Variants in PIK3C2G observed in about 807,000 individuals in gnomAD.
PIK3C2G encodes the protein phosphatidylinositol 3-kinase C2 domain-containing subunit gamma.
PIK3C2G carries 168 observed loss-of-function variants against 181.1 expected under a neutral mutation model. The ratio of observed to expected loss-of-function variants is 0.93; its 90% CI spans 0.82 to 1.05. PIK3C2G has a LOEUF of 1.05. Among genes scored for constraint, PIK3C2G ranks in the 50% least tolerant of loss-of-function variants. The probability of loss-of-function intolerance (pLI) is 0.00; values close to 1 mark genes in which losing one functional copy is unlikely to be tolerated. For synonymous variants in PIK3C2G, 573 were observed against 592.2 expected, an observed-to-expected ratio of 0.97 and a Z score of 0.47; for missense variants, 1,869 against 1,732.8, an observed-to-expected ratio of 1.08 and a Z score of -1.40.
At chr12:18,522,007 T>C (rs1433413416) in intron 24 of PIK3C2G, among the ~76,000 whole-genome samples, 1 of 152,192 alleles carries the variant, frequency 6.6e-6, no homozygotes, top group Non-Finnish European at 1.5e-5. Flanking sequence ...CCCTGCCCTA[T>C]GTGGCTCTCA....
At chr12:18,564,227 T>A (rs1270697083) in intron 28 of PIK3C2G, among the ~76,000 whole-genome samples, 1 of 151,944 alleles carries the variant, frequency 6.6e-6, no homozygotes, top group Non-Finnish European at 1.5e-5. Flanking sequence ...CAAAAATTCA[T>A]CACTTAGAAG....
chr12:18,483,883 G>C (rs532286201), intron 18 of PIK3C2G, among the ~76,000 whole-genome samples: 16 of 152,178 alleles, frequency 1.1e-4, no homozygotes, highest in African/African-American at 3.6e-4. Context: ...ACTTGCTGTC[G>C]TCCTGCTTGG....
intron 23 of PIK3C2G, among the ~76,000 whole-genome samples, chr12:18,504,529 C>A (rs1592433068): frequency 6.6e-6 from 1 of 152,136 alleles, no homozygotes; most frequent in South Asian, 2.1e-4. Context: ...GCCTGGTGAC[C>A]TAGCCTTCAC....
chr12:18,567,149 G>A (rs1336392306), intron 29 of PIK3C2G, 92 bp downstream of exon 29: 33 of 665,366 alleles, frequency 5.0e-5, no homozygotes, highest in Non-Finnish European at 8.0e-5. Flanking sequence ...TGTAATGCCA[G>A]TACTTTGGGA....
the PIK3C2G span, chr12:18,701,582 C>T: frequency 6.2e-7 from 1 of 1,612,372 alleles, no homozygotes; most frequent in Non-Finnish European, 8.5e-7. Flanking sequence ...AAACAGATTC[C>T]AATACTTCTG....
the PIK3C2G span, chr12:18,723,324 C>A: frequency 1.2e-6 from 2 of 1,611,022 alleles, no homozygotes; most frequent in Non-Finnish European, 1.7e-6. Flanking sequence ...CTTCGATAGG[C>A]TCGTATTTCT....
chr12:18,305,134 G>A (rs998310673), intron 5 of PIK3C2G, among the ~76,000 whole-genome samples: 3 of 152,074 alleles, frequency 2.0e-5, no homozygotes, highest in African/African-American at 7.2e-5. Flanking sequence ...AATAGCTAAT[G>A]ACCACAAAAA....
At chr12:18,480,179 C>T (rs1939417526) in intron 18 of PIK3C2G, among the ~76,000 whole-genome samples, 2 of 151,988 alleles carry the variant, frequency 1.3e-5, no homozygotes, top group African/African-American at 4.8e-5. Flanking sequence ...CCAAAGTGTG[C>T]CCAGGGCTAA....
chr12:18,411,669 A>C (rs1022755063), intron 16 of PIK3C2G, among the ~76,000 whole-genome samples: 15 of 152,180 alleles, frequency 9.9e-5, no homozygotes, highest in Non-Finnish European at 2.2e-4. Context: ...TGATTTTCTA[A>C]TTCTAACCTG....
intron 16 of PIK3C2G, among the ~76,000 whole-genome samples, chr12:18,414,311 T>C (rs1808206530): frequency 6.6e-6 from 1 of 152,160 alleles, no homozygotes; most frequent in Admixed American, 6.6e-5. Flanking sequence ...AATAAAACTT[T>C]CGTATAGAAA....
chr12:18,339,687 G>T (rs992766183), intron 9 of PIK3C2G, among the ~76,000 whole-genome samples: 2 of 152,040 alleles, frequency 1.3e-5, no homozygotes. Context: ...ATAGATAAGT[G>T]GGTATGAAAA....
chr12:18,380,113 T>C (rs2137953108), intron 13 of PIK3C2G, among the ~76,000 whole-genome samples: 1 of 152,270 alleles, frequency 6.6e-6, no homozygotes, highest in Non-Finnish European at 1.5e-5. Context: ...TTCAACATTA[T>C]GTTTTGCTCA....
At chr12:18,719,534 C>A in the PIK3C2G span, 3 of 1,596,196 alleles carry the variant, frequency 1.9e-6, no homozygotes, top group Non-Finnish European at 2.6e-6. Context: ...TGAGTCATAT[C>A]TTGATAAACT....
intron 26 of PIK3C2G, among the ~76,000 whole-genome samples, chr12:18,556,923 G>A (rs1372277609): frequency 6.6e-6 from 1 of 152,016 alleles, no homozygotes; most frequent in Non-Finnish European, 1.5e-5. Flanking sequence ...TTTAAGACCA[G>A]AACAAGATAA....
chr12:18,286,474 T>C (rs941361589), intron 2 of PIK3C2G, among the ~76,000 whole-genome samples: 1 of 152,066 alleles, frequency 6.6e-6, no homozygotes, highest in Non-Finnish European at 1.5e-5. Context: ...AACATGTGTA[T>C]CATTACATAG....
chr12:18,706,262 A>C, the PIK3C2G span, among the ~76,000 whole-genome samples: 1 of 152,024 alleles, frequency 6.6e-6, no homozygotes, highest in Non-Finnish European at 1.5e-5. Context: ...AAAAAGAAGA[A>C]GACAGAGCTA....
At chr12:18,584,061 C>T (rs1222323333) in intron 29 of PIK3C2G, among the ~76,000 whole-genome samples, 1 of 151,266 alleles carries the variant, frequency 6.6e-6, no homozygotes, top group Non-Finnish European at 1.5e-5. Flanking sequence ...CAGAGTCTCG[C>T]TCTGTCGCCC....
chr12:18,303,122 CTTTCTTTCTTTCTTTCT>C (rs1380589805), intron 5 of PIK3C2G, among the ~76,000 whole-genome samples: 11 of 107,530 alleles, frequency 1.0e-4, no homozygotes, highest in African/African-American at 3.7e-4. Context: ...TTCCTTCTTT[CTTTCTTTCTTTCTTTCT>C]TTTCTTTTCT....
chr12:18,644,368 A>C (rs1475096467), intron 32 of PIK3C2G, among the ~76,000 whole-genome samples: 2 of 151,962 alleles, frequency 1.3e-5, no homozygotes, highest in African/African-American at 2.4e-5. Flanking sequence ...AAAAACCATC[A>C]TTTTTCACAC....
Sources: allele counts gnomAD v4.1 joint callset (sites outside exome capture counted in the v4.1 genomes callset), GRCh38; gene constraint gnomAD v4.1.1; transcripts MANE v1.5; gene names NCBI Gene and HGNC (gene_info 2026-07-23, HGNC 2026-07-21).